THSD4: variants seen among roughly 807,000 people sequenced by gnomAD.
The protein encoded by THSD4 is thrombospondin type-1 domain-containing protein 4.
A neutral mutation model predicts 119.0 loss-of-function variants in THSD4; 69 were observed. That is an observed-to-expected ratio of 0.58 (90% CI 0.48 to 0.71). The LOEUF is 0.71. Among genes scored for constraint, THSD4 ranks in the 30% least tolerant of loss-of-function variants. The pLI, the probability that THSD4 is intolerant of heterozygous loss-of-function variation, is 0.00. For missense variants in THSD4, 1,393 were observed against 1,391.1 expected (o/e 1.00, Z -0.02); for synonymous variants, 524 against 540.4 (o/e 0.97, Z 0.42).
chr15:71,615,670 A>G (rs1239203452), intron 7 of THSD4, among the ~76,000 whole-genome samples: 1 of 152,136 alleles, frequency 6.6e-6, no homozygotes, highest in Non-Finnish European at 1.5e-5. Context: ...GGGAAACAAG[A>G]GCTGTTTCCT....
chr15:71,108,128 A>G (rs1346787242), intron 1 of THSD4, among the ~76,000 whole-genome samples: 2 of 152,138 alleles, frequency 1.3e-5, no homozygotes, highest in Non-Finnish European at 2.9e-5. Flanking sequence ...GCTCTTTACA[A>G]TGGAGACATT....
At chr15:71,207,586 G>C (rs549777613) in intron 3 of THSD4, among the ~76,000 whole-genome samples, 1 of 152,338 alleles carries the variant, frequency 6.6e-6, no homozygotes, top group African/African-American at 2.4e-5. Flanking sequence ...CTGGGCCGCA[G>C]CCTGTTAGGA....
chr15:71,591,741 GA>G (rs57430708), intron 7 of THSD4, among the ~76,000 whole-genome samples: 12 of 145,058 alleles, frequency 8.3e-5, no homozygotes, highest in African/African-American at 2.3e-4. Context: ...TTTTTTTTTA[GA>G]AAAAAAAAAA....
chr15:71,162,187 A>G (rs991881428), intron 3 of THSD4, among the ~76,000 whole-genome samples: 1 of 152,028 alleles, frequency 6.6e-6, no homozygotes, highest in Non-Finnish European at 1.5e-5. Flanking sequence ...GCACTAGGGT[A>G]TTCAGAGTAT....
chr15:71,490,223 G>T (rs570165766), intron 7 of THSD4, among the ~76,000 whole-genome samples: 1 of 151,624 alleles, frequency 6.6e-6, no homozygotes, highest in Admixed American at 6.6e-5. Flanking sequence ...TCAGGAGTTC[G>T]AGACCAGTCT....
At chr15:71,681,580 C>T (rs1395697176) in intron 8 of THSD4, among the ~76,000 whole-genome samples, 1 of 149,118 alleles carries the variant, frequency 6.7e-6, no homozygotes, top group Non-Finnish European at 1.5e-5. Flanking sequence ...GAGGCTGGGG[C>T]GGCAGAATCG....
chr15:71,423,436 C>T (rs2046833265), intron 7 of THSD4, among the ~76,000 whole-genome samples: 1 of 152,140 alleles, frequency 6.6e-6, no homozygotes, highest in Non-Finnish European at 1.5e-5. Flanking sequence ...CTGGGTCCTT[C>T]CCTTCAAGGC....
In THSD4 at chr15:71,194,003, G is replaced by A. The variant is rs1027094856; in HGVS notation, c.100-21032G>A. The stretch of plus-strand genomic sequence containing the variant: ...TGGGATTACAGGCGTGAGCCACCGC[G>A]CCCGGCCTGAGATCTGATGGTTTTA... On this transcript the variant is annotated intron_variant, in intron 3 of 17. Transcript: ENST00000261862. Among the ~76,000 whole-genome samples the A allele has an allele frequency of 2.4e-4, 36 of 152,282 alleles. No individual in the cohort carries two copies. The South Asian group carries it at 3.9e-3, about 17-fold the overall frequency.
rs200570005 is a variant in THSD4 at position 71,411,760 on chromosome 15, A to G, written c.1089A>G (p.Lys363=). The part of the protein sequence containing the change: ...GYRFYVRQAE[K]VIDGTPCDQN... ...GCTTCTATGTACGGCAAGCTGAGAA[A>G]GTCATCGATGGCACCCCCTGTGACC... is the stretch of plus-strand genomic sequence containing the variant. Residue 363 remains lysine, a synonymous_variant, in exon 7 of 18, where the codon AAA becomes AAG. Transcript: ENST00000261862. 8.1e-6 allele frequency: 13 copies of G among 1,614,066 alleles called. No homozygotes were observed. Among genetic ancestry groups the G allele is most frequent in the Non-Finnish European group, 1.1e-5 (13 of 1,180,028 alleles).
chr15:71,738,440 G>A (rs1420779425), intron 11 of THSD4, among the ~76,000 whole-genome samples: 1 of 152,200 alleles, frequency 6.6e-6, no homozygotes, highest in Non-Finnish European at 1.5e-5. Flanking sequence ...TCATGGGTGT[G>A]ACAGATTGCA....
intron 4 of THSD4, among the ~76,000 whole-genome samples, chr15:71,237,438 A>G (rs778349115): frequency 3.3e-5 from 5 of 152,150 alleles, no homozygotes; most frequent in Non-Finnish European, 7.4e-5. Context: ...GAAGAGCTAG[A>G]GGGGCATCAG....
At chr15:71,697,630 A>G (rs1375984795) in intron 8 of THSD4, among the ~76,000 whole-genome samples, 1 of 152,252 alleles carries the variant, frequency 6.6e-6, no homozygotes, top group African/African-American at 2.4e-5. Flanking sequence ...TAGAAAAGAA[A>G]TGCTGTAGAA....
At chr15:71,611,311 C>A (rs2050220735) in intron 7 of THSD4, among the ~76,000 whole-genome samples, 1 of 152,132 alleles carries the variant, frequency 6.6e-6, no homozygotes, top group Non-Finnish European at 1.5e-5. Flanking sequence ...TTTGGAGGGT[C>A]TTGAGTGTTT....
At chr15:71,697,315 A>G (rs759798893) in intron 8 of THSD4, among the ~76,000 whole-genome samples, 16 of 152,198 alleles carry the variant, frequency 1.1e-4, no homozygotes, top group African/African-American at 1.7e-4. Context: ...AACAAGATCT[A>G]TGAGAGGTGC....
intron 8 of THSD4, among the ~76,000 whole-genome samples, chr15:71,689,254 C>T (rs192948322): frequency 6.6e-6 from 1 of 152,200 alleles, no homozygotes; most frequent in Non-Finnish European, 1.5e-5. Context: ...GGAGCCACCA[C>T]CTGGTTCCTC....
chr15:71,551,238 C>G (rs1195466467), intron 7 of THSD4, among the ~76,000 whole-genome samples: 1 of 152,186 alleles, frequency 6.6e-6, no homozygotes, highest in Non-Finnish European at 1.5e-5. Flanking sequence ...CGACTATAAT[C>G]ACCATTGCAA....
intron 7 of THSD4, among the ~76,000 whole-genome samples, chr15:71,630,353 A>G (rs907309609): frequency 8.5e-5 from 13 of 152,188 alleles, no homozygotes; most frequent in African/African-American, 3.1e-4. Context: ...CATTCTAGGC[A>G]GGGCTCAGTA....
intron 7 of THSD4, among the ~76,000 whole-genome samples, chr15:71,656,523 A>G (rs1406486228): frequency 6.6e-6 from 1 of 152,194 alleles, no homozygotes; most frequent in Non-Finnish European, 1.5e-5. Context: ...GCAAGAGGAG[A>G]AAGCCAGAGT....
At chr15:71,368,842 G>A (rs1454548747) in intron 6 of THSD4, among the ~76,000 whole-genome samples, 2 of 152,174 alleles carry the variant, frequency 1.3e-5, no homozygotes, top group African/African-American at 2.4e-5. Flanking sequence ...GTAGCTTGAT[G>A]GGGATGGCAC....
Sources: allele counts gnomAD v4.1 joint callset (sites outside exome capture counted in the v4.1 genomes callset), GRCh38; gene constraint gnomAD v4.1.1; transcripts MANE v1.5; gene names NCBI Gene and HGNC (gene_info 2026-07-23, HGNC 2026-07-21).